SEMA3D: variants seen among roughly 807,000 people sequenced by gnomAD.
SEMA3D encodes semaphorin-3D.
In SEMA3D, 84 loss-of-function variants were observed where a neutral mutation model predicts 100.1. The ratio of observed to expected loss-of-function variants is 0.84; its 90% CI spans 0.70 to 1.01. The LOEUF is 1.01. Among genes scored for constraint, SEMA3D ranks in the 50% least tolerant of loss-of-function variants. SEMA3D has a pLI of 0.00. For synonymous variants in SEMA3D, 312 were observed against 320.7 expected (o/e 0.97, Z 0.29); for missense variants, 875 against 934.1 (o/e 0.94, Z 0.82).
At chr7:85,227,331 T>C in the SEMA3D span, among the ~76,000 whole-genome samples, 1 of 152,124 alleles carries the variant, frequency 6.6e-6, no homozygotes. Flanking sequence ...TGTTAGGAGA[T>C]GGGAACATTG....
intron 1 of SEMA3D, among the ~76,000 whole-genome samples, chr7:85,168,617 ATT>A (rs3076565): frequency 0.19 from 25,077 of 135,260 alleles, 2,400 homozygotes; most frequent in East Asian, 0.38. Context: ...GGTTTCTGCA[ATT>A]TTTTTTTTTT....
chr7:85,170,949 A>C (rs2116546137), intron 1 of SEMA3D, among the ~76,000 whole-genome samples: 1 of 152,026 alleles, frequency 6.6e-6, no homozygotes, highest in East Asian at 1.9e-4. Flanking sequence ...TTCTTTATTT[A>C]CTCTCTTTAA....
At chr7:85,230,552 A>C in the SEMA3D span, among the ~76,000 whole-genome samples, 1 of 152,206 alleles carries the variant, frequency 6.6e-6, no homozygotes, top group Non-Finnish European at 1.5e-5. Flanking sequence ...GTCCAGTATG[A>C]AGTGTTTTCA....
chr7:85,107,724 C>T (rs1788971977), intron 3 of SEMA3D, among the ~76,000 whole-genome samples: 1 of 151,940 alleles, frequency 6.6e-6, no homozygotes, highest in African/African-American at 2.4e-5. Flanking sequence ...CTTCTTTCCT[C>T]TGTTTATATA....
At chr7:85,040,358 G>A (rs1277498347) in intron 11 of SEMA3D, among the ~76,000 whole-genome samples, 2 of 152,008 alleles carry the variant, frequency 1.3e-5, no homozygotes, top group Admixed American at 1.3e-4. Context: ...GAAGGTATAT[G>A]CACAAGTTTA....
At chr7:85,012,711 A>G in intron 17 of SEMA3D, 71 bp downstream of exon 17, 2 of 1,159,666 alleles carry the variant, frequency 1.7e-6, no homozygotes, top group Non-Finnish European at 2.6e-6. Flanking sequence ...TTTAAGTCAT[A>G]TAATAAAAAG....
chr7:85,220,112 CTT>C, the SEMA3D span, among the ~76,000 whole-genome samples: 103 of 152,122 alleles, frequency 6.8e-4, no homozygotes, highest in African/African-American at 2.3e-3. Context: ...AAATATTTTA[CTT>C]TAGTTTGCCT....
chr7:85,115,159 G>C (rs756560684), intron 3 of SEMA3D, among the ~76,000 whole-genome samples: 10 of 152,140 alleles, frequency 6.6e-5, no homozygotes, highest in Non-Finnish European at 1.2e-4. Flanking sequence ...ACTATGACAG[G>C]TAAATGCCTC....
chr7:85,210,199 G>A, the SEMA3D span, among the ~76,000 whole-genome samples: 2 of 151,996 alleles, frequency 1.3e-5, no homozygotes, highest in Non-Finnish European at 2.9e-5. Flanking sequence ...TCTTCCTTTG[G>A]TCACAAAACC....
chr7:85,004,041 AT>A (rs1292421760), intron 18 of SEMA3D, among the ~76,000 whole-genome samples: 3 of 152,108 alleles, frequency 2.0e-5, no homozygotes, highest in Non-Finnish European at 4.4e-5. Flanking sequence ...AACAAAGTTC[AT>A]TATTATTATT....
chr7:85,128,137 G>A (rs1562828742), intron 2 of SEMA3D, among the ~76,000 whole-genome samples: 1 of 151,134 alleles, frequency 6.6e-6, no homozygotes, highest in Non-Finnish European at 1.5e-5. Flanking sequence ...AATTAACTAT[G>A]TTTTTATTTA....
chr7:85,135,226 C>T (rs1789823613), intron 2 of SEMA3D, among the ~76,000 whole-genome samples: 1 of 152,156 alleles, frequency 6.6e-6, no homozygotes, highest in East Asian at 1.9e-4. Flanking sequence ...TCTGTATCTA[C>T]ATAGTACTTG....
Position 85,015,063 on chromosome 7 carries a change from T to C in SEMA3D, c.1699A>G (p.Lys567Glu). 1.9e-6 allele frequency: 3 copies of C among 1,610,376 alleles called. No individual in the cohort carries two copies. Among genetic ancestry groups the C allele is most frequent in the South Asian group, 2.2e-5 (2 of 90,932 alleles). Reference sequence around the variant, plus strand: ...TTAACTCCATGTGCCTCTTACCTTTTAGAAGTAGGAGCATATCGAGAGCAT... The same window carrying C: ...TTAACTCCATGTGCCTCTTACCTTTCAGAAGTAGGAGCATATCGAGAGCAT... The part of the protein sequence containing the change: ...NACSRYAPTS[K>E]RRARRQDVKY... The change falls in exon 16 of 19, where the codon AAA becomes GAA. Residue 567 changes from lysine (K) to glutamate (E), a missense_variant. Physicochemically the swap from Lys to Glu is moderately conservative, Grantham distance 56. Coordinates refer to ENST00000284136, the MANE Select transcript of SEMA3D (RefSeq NM_001384900.1).
intron 8 of SEMA3D, among the ~76,000 whole-genome samples, chr7:85,056,563 TC>T (rs1194820353): frequency 1.3e-5 from 2 of 150,780 alleles, no homozygotes; most frequent in Non-Finnish European, 3.0e-5. Context: ...AGCATTAAAT[TC>T]CTTTTTATAT....
Position 85,012,771 on chromosome 7 carries a change from G to A in SEMA3D, c.1768+11C>T, listed in dbSNP as rs553108838. ...TAAATGGGAGAAAAAGCATATCAGA[G>A]CTGTACTTACTGTCTTCGATGTCCC... On this transcript the variant is annotated intron_variant, in intron 17 of 18. Coordinates refer to ENST00000284136, the MANE Select transcript of SEMA3D (RefSeq NM_001384900.1). 86 of 1,602,214 alleles carry A rather than the reference G, an allele frequency of 5.4e-5. No individual in the cohort carries two copies. In the South Asian group the frequency reaches 8.4e-4, roughly 16 times the overall value.
chr7:85,236,010 C>G, the SEMA3D span, among the ~76,000 whole-genome samples: 5 of 152,060 alleles, frequency 3.3e-5, no homozygotes, highest in Non-Finnish European at 7.4e-5. Context: ...GTAAGGCCCC[C>G]TTTGAGACCT....
intron 1 of SEMA3D, among the ~76,000 whole-genome samples, chr7:85,154,968 G>T (rs2116500690): frequency 6.6e-6 from 1 of 152,212 alleles, no homozygotes; most frequent in Non-Finnish European, 1.5e-5. Flanking sequence ...AAAGAATTGT[G>T]TCATGTTATT....
chr7:85,064,035 A>G (rs550091047), intron 8 of SEMA3D, among the ~76,000 whole-genome samples: 1 of 152,322 alleles, frequency 6.6e-6, no homozygotes, highest in East Asian at 1.9e-4. Context: ...AGTACTAAAA[A>G]TAGCATATCT....
chr7:85,017,342 C>T (rs1394628128), intron 15 of SEMA3D, among the ~76,000 whole-genome samples: 2 of 151,710 alleles, frequency 1.3e-5, no homozygotes, highest in African/African-American at 4.8e-5. Flanking sequence ...TGACACTCAG[C>T]TATACTGTGA....
Sources: gnomAD v4.1 joint callset for allele counts (sites outside exome capture counted in the v4.1 genomes callset) on GRCh38, gnomAD v4.1.1 for gene constraint, MANE v1.5 for transcripts, NCBI Gene and HGNC (gene_info 2026-07-23, HGNC 2026-07-21) for gene names.